The following AGBL1 variants were observed in gnomAD, a reference collection of about 807,000 sequenced individuals.
AGBL1 encodes AGBL carboxypeptidase 1.
A neutral mutation model predicts 118.9 loss-of-function variants in AGBL1; 130 were observed. That is an observed-to-expected ratio of 1.09 (90% CI 0.95 to 1.26). The LOEUF (loss-of-function observed/expected upper bound fraction) is 1.26, where lower values mean the gene tolerates loss of function less well. Ranked by LOEUF, AGBL1 falls within the 50% of genes most tolerant of loss-of-function variation. AGBL1 has a pLI of 0.00. For missense variants in AGBL1, 1,584 were observed against 1,298.1 expected (o/e 1.22, Z -3.38); for synonymous variants, 555 against 478.9 (o/e 1.16, Z -2.08).
At chr15:86,972,171 A>G (rs2081115172) in intron 23 of AGBL1, among the ~76,000 whole-genome samples, 1 of 152,036 alleles carries the variant, frequency 6.6e-6, no homozygotes, top group Non-Finnish European at 1.5e-5. Flanking sequence ...AATCCATCTT[A>G]ACACAGCATG....
intron 22 of AGBL1, among the ~76,000 whole-genome samples, chr15:86,896,448 G>T (rs376854710): frequency 6.6e-6 from 1 of 151,276 alleles, no homozygotes; most frequent in African/African-American, 2.4e-5. Flanking sequence ...TCTGATGGGG[G>T]CCTCAAGTTT....
chr15:86,979,783 G>T (rs1303041706), intron 23 of AGBL1, among the ~76,000 whole-genome samples: 1 of 152,092 alleles, frequency 6.6e-6, no homozygotes, highest in Non-Finnish European at 1.5e-5. Flanking sequence ...GATTACAGGC[G>T]TGAGCCACTG....
intron 21 of AGBL1, among the ~76,000 whole-genome samples, chr15:86,609,033 C>T (rs1314552487): frequency 1.3e-5 from 2 of 152,124 alleles, no homozygotes; most frequent in Non-Finnish European, 2.9e-5. Context: ...TTTTAAAGTA[C>T]GTGACTTTTT....
chr15:86,715,120 C>G (rs867226707), intron 22 of AGBL1, among the ~76,000 whole-genome samples: 2 of 152,134 alleles, frequency 1.3e-5, no homozygotes, highest in African/African-American at 4.8e-5. Flanking sequence ...AGAAATTGAC[C>G]TGGCCCAGCA....
chr15:86,596,537 C>T (rs2084407235), intron 21 of AGBL1, among the ~76,000 whole-genome samples: 1 of 152,188 alleles, frequency 6.6e-6, no homozygotes, highest in African/African-American at 2.4e-5. Context: ...TCATTCACTG[C>T]TCCAGACACT....
chr15:86,887,683 C>G (rs957129148), intron 22 of AGBL1, among the ~76,000 whole-genome samples: 3 of 152,142 alleles, frequency 2.0e-5, no homozygotes, highest in Admixed American at 2.0e-4. Context: ...ACTTTTAATT[C>G]CCTGACATTG....
chr15:86,432,068 C>A, intron 18 of AGBL1, among the ~76,000 whole-genome samples: 1 of 79,358 alleles, frequency 1.3e-5, no homozygotes, highest in East Asian at 9.0e-4. Flanking sequence ...TTCCCAGGAT[C>A]AGGTTTTTAA....
At chr15:86,373,458 G>A (rs975319514) in intron 17 of AGBL1, among the ~76,000 whole-genome samples, 12 of 152,210 alleles carry the variant, frequency 7.9e-5, no homozygotes, top group Non-Finnish European at 1.5e-4. Context: ...AGGACTGGGA[G>A]CTTGGCTGTA....
At chr15:86,345,846 G>C (rs2080527694) in intron 17 of AGBL1, among the ~76,000 whole-genome samples, 1 of 152,106 alleles carries the variant, frequency 6.6e-6, no homozygotes, top group South Asian at 2.1e-4. Context: ...TCTGGATCAG[G>C]GTCATTGGCA....
At chr15:86,761,631 A>G (rs1483030358) in intron 22 of AGBL1, among the ~76,000 whole-genome samples, 1 of 152,052 alleles carries the variant, frequency 6.6e-6, no homozygotes, top group Non-Finnish European at 1.5e-5. Flanking sequence ...CATATAAAAA[A>G]GAGGAGTGTC....
intron 17 of AGBL1, among the ~76,000 whole-genome samples, chr15:86,348,800 CAG>C (rs1341521047): frequency 1.4e-5 from 2 of 142,152 alleles, no homozygotes; most frequent in African/African-American, 5.2e-5. Flanking sequence ...AAAAAAAAAG[CAG>C]AGAGGAGGAT....
intron 1 of AGBL1, among the ~76,000 whole-genome samples, chr15:86,114,463 CCTG>C (rs1183740395): frequency 6.6e-6 from 1 of 152,130 alleles, no homozygotes; most frequent in Non-Finnish European, 1.5e-5. Flanking sequence ...CCTAGAGCGC[CCTG>C]CATTTGTGAA....
chr15:86,386,664 T>G (rs980649727), intron 17 of AGBL1, among the ~76,000 whole-genome samples: 2 of 152,060 alleles, frequency 1.3e-5, no homozygotes, highest in African/African-American at 4.8e-5. Flanking sequence ...AAAATGATGA[T>G]TCCACTCCTC....
At chr15:86,211,605 T>C (rs560790073) in intron 5 of AGBL1, among the ~76,000 whole-genome samples, 37 of 152,350 alleles carry the variant, frequency 2.4e-4, no homozygotes, top group African/African-American at 8.9e-4. Flanking sequence ...ACTGCTGTGC[T>C]AGCAGTGAGC....
chr15:86,257,947 T>C lies in AGBL1; in HGVS notation c.902-17T>C, dbSNP rs1237773885. 1 of 1,611,794 alleles carries C rather than the reference T, an allele frequency of 6.2e-7. No individual in the cohort carries two copies. The highest frequency in any genetic ancestry group is 8.5e-7 in the Non-Finnish European group (1 of 1,179,116). The stretch of plus-strand genomic sequence containing the variant: ...AAGGGGAAACTTCACTTATTTCACC[T>C]CTTTTTCCCCATCCAGAGGATTTTG... On this transcript the variant is annotated splice_polypyrimidine_tract_variant and intron_variant, in intron 8 of 22. Coordinates refer to ENST00000614907, the MANE Select transcript of AGBL1 (RefSeq NM_001386094.1).
At chr15:86,194,376 C>G (rs576627083) in intron 5 of AGBL1, among the ~76,000 whole-genome samples, 1 of 152,230 alleles carries the variant, frequency 6.6e-6, no homozygotes, top group Non-Finnish European at 1.5e-5. Context: ...AGTACAGTGT[C>G]TATGTGGAGG....
At chr15:86,985,994 G>C (rs1213487519) in intron 23 of AGBL1, among the ~76,000 whole-genome samples, 1 of 151,758 alleles carries the variant, frequency 6.6e-6, no homozygotes. Flanking sequence ...CAGGATCCTG[G>C]CTCACTGCAA....
chr15:86,247,970 G>T, intron 7 of AGBL1, 91 bp downstream of exon 7: 1 of 1,469,078 alleles, frequency 6.8e-7, no homozygotes, highest in Non-Finnish European at 9.4e-7. Context: ...ATAGAGCTGG[G>T]AACGCCTCAG....
chr15:86,087,578 C>A (rs998181698), intron 1 of AGBL1, among the ~76,000 whole-genome samples: 2 of 152,186 alleles, frequency 1.3e-5, no homozygotes, highest in African/African-American at 2.4e-5. Flanking sequence ...GATCTGCCCT[C>A]CTCAGCCTCC....
Sources: allele counts gnomAD v4.1 joint callset (sites outside exome capture counted in the v4.1 genomes callset), GRCh38; gene constraint gnomAD v4.1.1; transcripts MANE v1.5; gene names NCBI Gene and HGNC (gene_info 2026-07-23, HGNC 2026-07-21).